Variants in KTN1 observed in about 807,000 individuals in gnomAD.
The protein encoded by KTN1 is kinectin 1.
In KTN1, 130 loss-of-function variants were observed where a neutral mutation model predicts 222.5. The observed-to-expected ratio is 0.58, with a 90% CI of 0.51 to 0.68. The LOEUF is 0.68. Ranked by LOEUF, KTN1 falls within the 30% of genes least tolerant of loss-of-function variation. The probability of loss-of-function intolerance (pLI) is 0.00; values close to 1 mark genes in which losing one functional copy is unlikely to be tolerated. For missense variants in KTN1, 1,508 were observed against 1,500.4 expected (o/e 1.01, Z -0.08); for synonymous variants, 512 against 496.3 (o/e 1.03, Z -0.42).
intron 18 of KTN1, among the ~76,000 whole-genome samples, chr14:55,643,496 T>G (rs1002337343): frequency 1.3e-5 from 2 of 152,202 alleles, no homozygotes; most frequent in Non-Finnish European, 2.9e-5. Context: ...TGTGTGTTAG[T>G]TACCAGAGAT....
intron 34 of KTN1, 81 bp downstream of exon 34, chr14:55,667,411 T>A: frequency 2.7e-6 from 2 of 739,208 alleles, no homozygotes; most frequent in South Asian, 3.6e-5. Context: ...TGCACTCCAC[T>A]TGGTTTCAGT....
chr14:55,590,332 A>T (rs12884797), intron 1 of KTN1, among the ~76,000 whole-genome samples: 5,649 of 152,318 alleles, frequency 0.037, 143 homozygotes, highest in Non-Finnish European at 0.054. Context: ...TATAAAATGA[A>T]CATCTGTGTA....
chr14:55,649,492 C>G (rs1353238731), intron 21 of KTN1, among the ~76,000 whole-genome samples: 1 of 152,072 alleles, frequency 6.6e-6, no homozygotes, highest in Non-Finnish European at 1.5e-5. Context: ...TAGGCAGTTT[C>G]TTAGTTGTGT....
intron 6 of KTN1, among the ~76,000 whole-genome samples, chr14:55,628,400 G>C (rs1056158953): frequency 2.0e-5 from 3 of 152,134 alleles, no homozygotes; most frequent in South Asian, 4.1e-4. Context: ...CTTAACATAG[G>C]TAATTTATTT....
intron 1 of KTN1, among the ~76,000 whole-genome samples, chr14:55,603,716 A>G (rs1235602955): frequency 1.3e-5 from 2 of 152,156 alleles, no homozygotes; most frequent in Admixed American, 1.3e-4. Context: ...TCCAGCCTTC[A>G]CTTGTCATGT....
In KTN1 at chr14:55,596,154, CAA is replaced by C. The variant is rs71448460; in HGVS notation, c.-31+15818_-31+15819del. ...TGGGCGACAGAGCAAGACTCAATAGCAAAAAAAAAAAAAAAAAAAGTAAAAAT... is the reference window on the plus strand; with the variant it reads ...TGGGCGACAGAGCAAGACTCAATAGCAAAAAAAAAAAAAAAAAGTAAAAAT... On this transcript the variant is annotated intron_variant, in intron 1 of 43. Coordinates refer to ENST00000395314, the MANE Select transcript of KTN1 (RefSeq NM_001079521.2). Among the ~76,000 whole-genome samples, 16 of 61,096 alleles carry C rather than the reference CAA, an allele frequency of 2.6e-4. No homozygotes were observed. The South Asian group carries it at 3.9e-3, about 15-fold the overall frequency. The allele number at this position is 61,096 out of a possible 152,430, so 40.1% of individuals were successfully genotyped here. A position where few individuals can be genotyped will look rare whatever the true frequency, so the allele number is the denominator to read the frequency against.
At chr14:55,678,609 G>C in intron 42 of KTN1, 165 bp downstream of exon 42, 1 of 584,700 alleles carries the variant, frequency 1.7e-6, no homozygotes. Flanking sequence ...TGCTTATTGA[G>C]GTATGTTAAT....
intron 7 of KTN1, among the ~76,000 whole-genome samples, chr14:55,631,575 G>A (rs1389435714): frequency 6.6e-6 from 1 of 151,744 alleles, no homozygotes; most frequent in Non-Finnish European, 1.5e-5. Flanking sequence ...TTGAACCCAG[G>A]AATTTGAGAA....
intron 5 of KTN1, among the ~76,000 whole-genome samples, chr14:55,623,710 T>C (rs529457116): frequency 6.6e-6 from 1 of 152,366 alleles, no homozygotes; most frequent in Non-Finnish European, 1.5e-5. Context: ...GTTTATTTTA[T>C]TGTAATTGGG....
At chr14:55,610,770 A>G (rs1379403016) in intron 1 of KTN1, among the ~76,000 whole-genome samples, 1 of 152,252 alleles carries the variant, frequency 6.6e-6, no homozygotes, top group Non-Finnish European at 1.5e-5. Flanking sequence ...GAGCATCAAT[A>G]TCTAGAATCT....
intron 42 of KTN1, chr14:55,679,318 AT>A (rs146883765): frequency 4.4e-5 from 16 of 364,852 alleles, no homozygotes; most frequent in East Asian, 1.4e-4. Context: ...TAGATTCTAG[AT>A]TTTTTTTCCT....
intron 6 of KTN1, among the ~76,000 whole-genome samples, chr14:55,629,522 C>G (rs2040270340): frequency 6.6e-6 from 1 of 150,904 alleles, no homozygotes; most frequent in Non-Finnish European, 1.5e-5. Flanking sequence ...CTATAGACAT[C>G]TTATCCCTAT....
chr14:55,673,083 A>G (rs2045587438), intron 39 of KTN1, 71 bp downstream of exon 39: 19 of 1,502,880 alleles, frequency 1.3e-5, no homozygotes, highest in African/African-American at 2.8e-5. Context: ...ATATTTCAGT[A>G]TAAGTTGTTT....
Position 55,672,704 on chromosome 14 carries a change from A to G in KTN1, c.3603+3A>G, listed in dbSNP as rs771912885. Reference sequence around the variant, plus strand: ...GCGAAAATAAGGATATTGAAAATGTATGTTATTTGATTGTTTTACTTGTAA... The same window carrying G: ...GCGAAAATAAGGATATTGAAAATGTGTGTTATTTGATTGTTTTACTTGTAA... On this transcript the variant is annotated splice_donor_region_variant and intron_variant, in intron 38 of 43. Coordinates refer to ENST00000395314, the MANE Select transcript of KTN1 (RefSeq NM_001079521.2). The G allele has an allele frequency of 4.5e-6, 7 of 1,552,178 alleles. No homozygotes were observed. The highest frequency in any genetic ancestry group is 1.1e-5 in the South Asian group (1 of 89,386).
chr14:55,648,861 A>G lies in KTN1; in HGVS notation c.2358A>G (p.Gln786=), dbSNP rs956709718. 4 of 1,583,552 alleles carry G rather than the reference A, an allele frequency of 2.5e-6. No homozygotes were observed. The highest frequency in any genetic ancestry group is 1.3e-5 in the African/African-American group (1 of 74,244). The part of the protein sequence containing the change: ...TKEVQDLKAK[Q]NDQVSFASLV... The stretch of plus-strand genomic sequence containing the variant: ...AAGTTCAAGACTTAAAAGCTAAGCA[A>G]AATGATCAGGTAATGTAAATTTTTA... Residue 786 remains glutamine (Q), a synonymous_variant, in exon 21 of 44, where the codon CAA becomes CAG. Transcript: ENST00000395314.
At chr14:55,604,081 C>T (rs547691187) in intron 1 of KTN1, among the ~76,000 whole-genome samples, 2 of 152,278 alleles carry the variant, frequency 1.3e-5, no homozygotes, top group Admixed American at 1.3e-4. Flanking sequence ...AGTAGTTTTC[C>T]CATATTACTG....
intron 35 of KTN1, among the ~76,000 whole-genome samples, chr14:55,671,127 C>CA (rs1354829016): frequency 6.6e-6 from 1 of 152,116 alleles, no homozygotes; most frequent in Admixed American, 6.5e-5. Context: ...GGTAGAATCT[C>CA]ACTGGTTTGC....
At chr14:55,593,294 C>T (rs187429522) in intron 1 of KTN1, among the ~76,000 whole-genome samples, 1 of 152,076 alleles carries the variant, frequency 6.6e-6, no homozygotes, top group East Asian at 1.9e-4. Flanking sequence ...TGTTTTTTCT[C>T]ATTAAATTTC....
At chr14:55,644,750 T>C (rs2042135072) in intron 18 of KTN1, among the ~76,000 whole-genome samples, 1 of 152,114 alleles carries the variant, frequency 6.6e-6, no homozygotes, top group South Asian at 2.1e-4. Context: ...GTATATGGTT[T>C]AGTTTTGGAA....
Sources: allele counts gnomAD v4.1 joint callset (sites outside exome capture counted in the v4.1 genomes callset), GRCh38; gene constraint gnomAD v4.1.1; transcripts MANE v1.5; gene names NCBI Gene and HGNC (gene_info 2026-07-23, HGNC 2026-07-21).